PIKFYVE: variants seen among roughly 807,000 people sequenced by gnomAD.
PIKFYVE encodes phosphoinositide kinase, FYVE-type zinc finger containing.
A neutral mutation model predicts 257.9 loss-of-function variants in PIKFYVE; 122 were observed. That is an observed-to-expected ratio of 0.47 (90% CI 0.41 to 0.55). The LOEUF is 0.55. Ranked by LOEUF, PIKFYVE falls within the 20% of genes least tolerant of loss-of-function variation. The pLI, the probability that PIKFYVE is intolerant of heterozygous loss-of-function variation, is 0.00. For synonymous variants in PIKFYVE, 892 were observed against 868.9 expected (o/e 1.03, Z -0.47); for missense variants, 2,160 against 2,536.6 (o/e 0.85, Z 3.19).
At chr2:208,311,165 C>T (rs564107988) in intron 12 of PIKFYVE, among the ~76,000 whole-genome samples, 1 of 152,092 alleles carries the variant, frequency 6.6e-6, no homozygotes, top group African/African-American at 2.4e-5. Flanking sequence ...TCTGGAGTCT[C>T]ATATAGATAC....
intron 28 of PIKFYVE, among the ~76,000 whole-genome samples, chr2:208,337,725 A>C (rs534377334): frequency 6.6e-6 from 1 of 151,892 alleles, no homozygotes; most frequent in East Asian, 1.9e-4. Flanking sequence ...ACTCTGCAAA[A>C]ATTTTTTTTT....
chr2:208,355,563 T>G lies in PIKFYVE; in HGVS notation c.*258T>G. ...TCTTAAGCTAAAATACAGACATGTT[T>G]CAAAGGGCTAAAGTTGGAGATGAGT... On this transcript the variant is annotated 3_prime_UTR_variant, in exon 42 of 42. Transcript: ENST00000264380. 1 of 404,718 alleles carries G rather than the reference T, an allele frequency of 2.5e-6. No homozygotes were observed. The highest frequency in any genetic ancestry group is 2.7e-5 in the South Asian group (1 of 37,360). The allele number at this position is 404,718 out of a possible 1,614,324, so 25.1% of individuals were successfully genotyped here. A position where few individuals can be genotyped will look rare whatever the true frequency, so the allele number is the denominator to read the frequency against.
At chr2:208,315,075 T>G in intron 14 of PIKFYVE, 118 bp from the exon 15 acceptor site, 1 of 958,932 alleles carries the variant, frequency 1.0e-6, no homozygotes, top group Non-Finnish European at 1.6e-6. Context: ...CTAGAAAATC[T>G]TATCTGTGAG....
At chr2:208,295,010 G>A (rs1181282324) in intron 7 of PIKFYVE, among the ~76,000 whole-genome samples, 1 of 152,186 alleles carries the variant, frequency 6.6e-6, no homozygotes, top group Non-Finnish European at 1.5e-5. Flanking sequence ...TCTCTGGTTT[G>A]TCTACACTGA....
chr2:208,278,452 T>TA (rs1480574380), intron 5 of PIKFYVE, among the ~76,000 whole-genome samples: 1 of 152,104 alleles, frequency 6.6e-6, no homozygotes. Context: ...TCATGTTTGT[T>TA]ACAGGGGTAT....
At chr2:208,332,665 T>A (rs1325935788) in intron 23 of PIKFYVE, among the ~76,000 whole-genome samples, 2 of 152,132 alleles carry the variant, frequency 1.3e-5, no homozygotes, top group Non-Finnish European at 2.9e-5. Flanking sequence ...ATTCACGATA[T>A]ATTGCTAAGT....
intron 24 of PIKFYVE, among the ~76,000 whole-genome samples, chr2:208,333,702 T>G (rs1697811430): frequency 6.6e-6 from 1 of 152,220 alleles, no homozygotes. Flanking sequence ...TATCCTCACT[T>G]ACAGAGCTTA....
intron 12 of PIKFYVE, among the ~76,000 whole-genome samples, chr2:208,307,398 T>C (rs1694453518): frequency 6.6e-6 from 1 of 152,178 alleles, no homozygotes; most frequent in East Asian, 1.9e-4. Context: ...AAGTTCAGGA[T>C]ATTGAAGAGA....
chr2:208,282,692 C>T (rs1271191769), intron 5 of PIKFYVE, among the ~76,000 whole-genome samples: 1 of 152,176 alleles, frequency 6.6e-6, no homozygotes, highest in East Asian at 1.9e-4. Context: ...ATAACCTTCA[C>T]AGCATCTCAG....
intron 13 of PIKFYVE, 37 bp downstream of exon 13, chr2:208,312,332 C>T: frequency 6.6e-7 from 1 of 1,510,342 alleles, no homozygotes; most frequent in Non-Finnish European, 9.1e-7. Context: ...AATGGTGTCT[C>T]TTTTTTTCAT....
chr2:208,318,363 A>G (rs536387430), intron 16 of PIKFYVE, among the ~76,000 whole-genome samples: 1 of 152,264 alleles, frequency 6.6e-6, no homozygotes, highest in East Asian at 1.9e-4. Context: ...TTCTCACCTT[A>G]TATCTTTGTA....
intron 31 of PIKFYVE, among the ~76,000 whole-genome samples, chr2:208,342,102 T>A (rs2125729524): frequency 6.6e-6 from 1 of 152,168 alleles, no homozygotes; most frequent in South Asian, 2.1e-4. Flanking sequence ...CCTAGGTGAG[T>A]TAGGGTCGGA....
Position 208,273,625 on chromosome 2 carries a change from G to A in PIKFYVE, c.214G>A (p.Gly72Arg). 1 of 1,614,162 alleles carries A rather than the reference G, an allele frequency of 6.2e-7. No individual in the cohort carries two copies. The highest frequency in any genetic ancestry group is 8.5e-7 in the Non-Finnish European group (1 of 1,180,036). The change falls in exon 3 of 42, where the codon GGA (glycine) becomes AGA (arginine). Residue 72 changes from glycine (G) to arginine (R), a missense_variant. Around this residue, in one of 12 missense-constraint regions of PIKFYVE, gnomAD observed 172 missense variants for 180.6 expected, o/e 0.95. Coordinates refer to ENST00000264380, the MANE Select transcript of PIKFYVE (RefSeq NM_015040.4). ...CCAGGGAGAACAGCAGCCTTTGAGT[G>A]GAAGTTGGACCAGCCCTCAGCTCCC... ...GGQGEQQPLS[G>R]SWTSPQLPSR...
chr2:208,345,383 C>T (rs528290794), intron 33 of PIKFYVE, among the ~76,000 whole-genome samples, 189 bp downstream of exon 33: 100 of 152,094 alleles, frequency 6.6e-4, no homozygotes, highest in African/African-American at 2.4e-3. Context: ...AACAGTCCCT[C>T]AGGATGCAGT....
chr2:208,295,464 C>T (rs150252387), intron 7 of PIKFYVE, among the ~76,000 whole-genome samples: 62 of 152,142 alleles, frequency 4.1e-4, no homozygotes, highest in Non-Finnish European at 8.4e-4. Context: ...AGTTCAGAAT[C>T]ATATTGAACT....
At chr2:208,283,772 T>C (rs1284256057) in intron 5 of PIKFYVE, among the ~76,000 whole-genome samples, 1 of 151,988 alleles carries the variant, frequency 6.6e-6, no homozygotes, top group African/African-American at 2.4e-5. Flanking sequence ...TTTATTGATG[T>C]GGGGTCTCAC....
At position 208,314,347 on chromosome 2, in the gene PIKFYVE, C is replaced by G. The variant is rs1165636095; in HGVS notation, c.1750C>G (p.Pro584Ala). Residue 584 changes from proline (P) to alanine (A), a missense_variant, in exon 14 of 42, where the codon CCT becomes GCT. By Grantham distance (27) the Pro-to-Ala change is conservative (BLOSUM62 -1). Around this residue, in one of 12 missense-constraint regions of PIKFYVE, gnomAD observed 346 missense variants for 365.6 expected, o/e 0.95. Transcript: ENST00000264380. ...AAAATCCAAAGAGCTGCCTTTCACACCTTTGGGCTGGCATCATAACAACCT... is the reference window on the plus strand; with the variant it reads ...AAAATCCAAAGAGCTGCCTTTCACAGCTTTGGGCTGGCATCATAACAACCT... ...EEKSKELPFT[P>A]LGWHHNNLEL... 6.2e-7 allele frequency: 1 copy of G among 1,613,696 alleles called. No homozygotes were observed. Among genetic ancestry groups the G allele is most frequent in the Admixed American group, 1.7e-5 (1 of 59,984 alleles).
chr2:208,295,462 A>G (rs563751522), intron 7 of PIKFYVE, among the ~76,000 whole-genome samples: 294 of 152,328 alleles, frequency 1.9e-3, no homozygotes, highest in Non-Finnish European at 3.6e-3. Flanking sequence ...GCAGTTCAGA[A>G]TCATATTGAA....
At chr2:208,338,601 A>G in intron 29 of PIKFYVE, 33 bp downstream of exon 29, 1 of 1,586,362 alleles carries the variant, frequency 6.3e-7, no homozygotes, top group Non-Finnish European at 8.7e-7. Context: ...CACTTGCCGT[A>G]GGATTTAAAG....
Sources: gnomAD v4.1 joint callset for allele counts (sites outside exome capture counted in the v4.1 genomes callset) on GRCh38, gnomAD v4.1.1 for gene constraint, gnomAD v4.1.1 regional missense constraint, MANE v1.5 for transcripts, NCBI Gene and HGNC (gene_info 2026-07-23, HGNC 2026-07-21) for gene names.